DPP10: variants seen among roughly 807,000 people sequenced by gnomAD.
DPP10 encodes the protein inactive dipeptidyl peptidase 10.
In DPP10, 33 loss-of-function variants were observed where a neutral mutation model predicts 120.9. The observed-to-expected ratio is 0.27, with a 90% confidence interval of 0.21 to 0.37. The LOEUF is 0.37. DPP10 is among the 10% of genes least tolerant of loss of function. The pLI, the probability that DPP10 is intolerant of heterozygous loss-of-function variation, is 1.00. For synonymous variants in DPP10, 337 were observed against 326.1 expected (o/e 1.03, Z -0.36); for missense variants, 816 against 942.8 (o/e 0.87, Z 1.76).
intron 2 of DPP10, among the ~76,000 whole-genome samples, chr2:115,333,039 T>G (rs534960175): frequency 6.6e-6 from 1 of 152,286 alleles, no homozygotes; most frequent in Admixed American, 6.5e-5. Context: ...AGTTTCCCAT[T>G]AATATTGTGT....
chr2:114,562,776 C>G (rs1487187392), intron 1 of DPP10, among the ~76,000 whole-genome samples: 1 of 152,116 alleles, frequency 6.6e-6, no homozygotes, highest in Non-Finnish European at 1.5e-5. Flanking sequence ...TTCCATTTAT[C>G]TTGATTTATT....
intron 5 of DPP10, among the ~76,000 whole-genome samples, chr2:115,670,533 G>T (rs1044342046): frequency 1.3e-5 from 2 of 151,996 alleles, no homozygotes; most frequent in Non-Finnish European, 2.9e-5. Flanking sequence ...TTTATTGTAG[G>T]TTGCAATTTT....
At chr2:115,480,244 A>G (rs1410904408) in intron 3 of DPP10, among the ~76,000 whole-genome samples, 2 of 152,124 alleles carry the variant, frequency 1.3e-5, no homozygotes, top group East Asian at 1.9e-4. Flanking sequence ...CTTTATGTAA[A>G]TATAATAATT....
intron 5 of DPP10, among the ~76,000 whole-genome samples, chr2:115,589,191 C>T (rs1167560535): frequency 1.3e-5 from 2 of 152,162 alleles, no homozygotes; most frequent in Non-Finnish European, 2.9e-5. Flanking sequence ...TGCTTGAAGT[C>T]CTTAAAACCA....
intron 3 of DPP10, among the ~76,000 whole-genome samples, chr2:115,481,815 C>T (rs1162451853): frequency 7.9e-5 from 12 of 151,972 alleles, no homozygotes; most frequent in Non-Finnish European, 1.5e-5. Flanking sequence ...ATTATATGAA[C>T]ATATCACCTG....
At chr2:115,390,882 C>A (rs1173699428) in intron 3 of DPP10, among the ~76,000 whole-genome samples, 1 of 152,142 alleles carries the variant, frequency 6.6e-6, no homozygotes, top group African/African-American at 2.4e-5. Context: ...GAAGTCTCAG[C>A]ATTATGGACT....
intron 1 of DPP10, among the ~76,000 whole-genome samples, chr2:114,958,215 A>G (rs1698351892): frequency 6.6e-6 from 1 of 152,206 alleles, no homozygotes; most frequent in African/African-American, 2.4e-5. Context: ...TTATTTGAAC[A>G]CAGTTTGAAC....
chr2:115,757,714 A>G (rs1679601949), intron 11 of DPP10, among the ~76,000 whole-genome samples: 2 of 152,130 alleles, frequency 1.3e-5, no homozygotes, highest in African/African-American at 4.8e-5. Context: ...AGGATAGTGC[A>G]TTGAGATCAA....
At chr2:115,286,511 ATAATATATATATATAATATATATATAT>A (rs2060391604) in intron 1 of DPP10, among the ~76,000 whole-genome samples, 1 of 30,862 alleles carries the variant, frequency 3.2e-5, no homozygotes, top group Non-Finnish European at 8.2e-5. Flanking sequence ...TATTACATAT[ATAATATATATATATAATATATATATAT>A]ATAAAATATA....
intron 1 of DPP10, among the ~76,000 whole-genome samples, chr2:115,164,260 C>T (rs1357981499): frequency 2.0e-5 from 3 of 151,842 alleles, no homozygotes; most frequent in East Asian, 1.9e-4. Context: ...ACATATGAAA[C>T]GATGGAAAAA....
intron 3 of DPP10, among the ~76,000 whole-genome samples, chr2:115,407,880 A>G (rs958509020): frequency 4.6e-5 from 7 of 151,894 alleles, no homozygotes; most frequent in Non-Finnish European, 1.0e-4. Context: ...GGAAAAAAAA[A>G]GTAGTCATTT....
intron 1 of DPP10, among the ~76,000 whole-genome samples, chr2:114,685,514 A>G (rs1423396329): frequency 2.0e-5 from 3 of 151,980 alleles, no homozygotes; most frequent in African/African-American, 7.2e-5. Context: ...AATTTTCCGG[A>G]ACTCCAGAAT....
chr2:114,710,024 C>A (rs944601207), intron 1 of DPP10, among the ~76,000 whole-genome samples: 1 of 152,204 alleles, frequency 6.6e-6, no homozygotes, highest in Non-Finnish European at 1.5e-5. Flanking sequence ...CTCTTTTGAG[C>A]TTTTCCAGTA....
At chr2:115,164,987 C>T (rs2052723713) in intron 1 of DPP10, among the ~76,000 whole-genome samples, 1 of 152,248 alleles carries the variant, frequency 6.6e-6, no homozygotes, top group African/African-American at 2.4e-5. Flanking sequence ...ATTTTTGTTG[C>T]TTTCACAACA....
intron 1 of DPP10, among the ~76,000 whole-genome samples, chr2:114,483,006 T>C (rs938113322): frequency 6.6e-6 from 1 of 152,172 alleles, no homozygotes; most frequent in Non-Finnish European, 1.5e-5. Context: ...TGAAACAAAT[T>C]ATTGTGCCTA....
intron 1 of DPP10, among the ~76,000 whole-genome samples, chr2:115,256,682 T>C (rs2059015768): frequency 6.6e-6 from 1 of 152,252 alleles, no homozygotes; most frequent in African/African-American, 2.4e-5. Flanking sequence ...CTGGCTATTT[T>C]TGAGTCATGC....
chr2:114,764,214 A>G (rs1373098322), intron 1 of DPP10, among the ~76,000 whole-genome samples: 1 of 150,808 alleles, frequency 6.6e-6, no homozygotes, highest in African/African-American at 2.4e-5. Flanking sequence ...TTTTTATATT[A>G]TGTATACTGC....
At chr2:114,707,310 C>T (rs1172076302) in intron 1 of DPP10, 1 of 151,278 alleles carries the variant, frequency 6.6e-6, no homozygotes, top group Admixed American at 6.6e-5. Flanking sequence ...TCTTATCAGC[C>T]CAAGTAGGAG....
chr2:114,816,742 T>A (rs1257983726), intron 1 of DPP10, among the ~76,000 whole-genome samples: 3 of 152,232 alleles, frequency 2.0e-5, no homozygotes, highest in Non-Finnish European at 4.4e-5. Flanking sequence ...TTGTTTCATG[T>A]GTGAATAAAT....
Sources: gnomAD v4.1 joint callset for allele counts (sites outside exome capture counted in the v4.1 genomes callset) on GRCh38, gnomAD v4.1.1 for gene constraint, MANE v1.5 for transcripts, NCBI Gene and HGNC (gene_info 2026-07-23, HGNC 2026-07-21) for gene names.